The following SP110 variants were observed in gnomAD, a reference collection of about 807,000 sequenced individuals.
SP110 encodes SP110 nuclear body protein.
A neutral mutation model predicts 92.7 loss-of-function variants in SP110; 62 were observed. The observed-to-expected ratio is 0.67, with a 90% CI of 0.55 to 0.83. The LOEUF is 0.83. Ranked by LOEUF, SP110 falls within the 40% of genes least tolerant of loss-of-function variation. The pLI, the probability that SP110 is intolerant of heterozygous loss-of-function variation, is 0.00. For synonymous variants in SP110, 273 were observed against 305.3 expected (o/e 0.89, Z 1.10); for missense variants, 793 against 863.9 (o/e 0.92, Z 1.03).
At chr2:230,207,864 CACTG>C (rs1166020943) in intron 8 of SP110, 123 bp downstream of exon 8, 1 of 670,090 alleles carries the variant, frequency 1.5e-6, no homozygotes, top group Non-Finnish European at 2.7e-6. Flanking sequence ...TGTGTCACTT[CACTG>C]ACTAAATCTC....
At chr2:230,173,223 C>G in intron 14 of SP110, 1 of 428,888 alleles carries the variant, frequency 2.3e-6, no homozygotes, top group Non-Finnish European at 4.5e-6. Flanking sequence ...GCGTTTTGAG[C>G]TGTGCTGCTG....
In SP110 at chr2:230,177,528, A is replaced by T. The variant is rs199856620; in HGVS notation, c.1590+10T>A. The T allele has an allele frequency of 1.2e-5, 20 of 1,613,772 alleles. No homozygotes were observed. Among genetic ancestry groups the T allele is most frequent in the Non-Finnish European group, 1.7e-5 (20 of 1,179,782 alleles). Reference sequence around the variant, plus strand: ...AAACCTGTCACCTATCTGTCCCGTCATTATAATACCTTCAGCAGCTCTCCT... The same window carrying T: ...AAACCTGTCACCTATCTGTCCCGTCTTTATAATACCTTCAGCAGCTCTCCT... On this transcript the variant is annotated intron_variant, in intron 14 of 18. Coordinates refer to ENST00000258381, the MANE Select transcript of SP110 (RefSeq NM_080424.4).
chr2:230,187,652 T>C (rs1458512680), intron 10 of SP110, among the ~76,000 whole-genome samples: 1 of 152,188 alleles, frequency 6.6e-6, no homozygotes, highest in Admixed American at 6.5e-5. Context: ...TTGATCCATC[T>C]TGAGTTAATT....
In SP110 at chr2:230,183,582, A is replaced by C. The variant is rs200063420; in HGVS notation, c.1338T>G (p.Ile446Met). The part of the protein sequence containing the change: ...SSSKRRFQKN[I>M]HRRGKPKSDT... ...GGCTTGCTTGCTTACCTCTTCGGTG[A>C]ATATTTTTCTGAAATCTCCTTTTTG... Residue 446 changes from isoleucine (I) to methionine (M), a missense_variant, in exon 12 of 19, where the codon ATT becomes ATG. Coordinates refer to ENST00000258381, the MANE Select transcript of SP110 (RefSeq NM_080424.4). The C allele has an allele frequency of 2.5e-6, 4 of 1,610,002 alleles. No homozygotes were observed. Among genetic ancestry groups the C allele is most frequent in the Non-Finnish European group, 3.4e-6 (4 of 1,176,244 alleles).
In SP110 at chr2:230,208,002, C is replaced by CT. The variant is rs774290827; in HGVS notation, c.886dup (p.Ser296LysfsTer10). ...TACTCTCATCTTACCTCCTGGGAGG[C>CT]TTTTTTTCTTATGTCTCCTTTTTGG... is the stretch of plus-strand genomic sequence containing the variant. On this transcript the variant is annotated frameshift_variant, in exon 8 of 19. Transcript: ENST00000258381. LOFTEE classifies it high-confidence loss of function. 10 of 1,550,946 alleles carry CT rather than the reference C, an allele frequency of 6.4e-6. No individual in the cohort carries two copies. Among genetic ancestry groups the CT allele is most frequent in the East Asian group, 2.2e-5 (1 of 44,524 alleles).
rs1487043937 is a variant in SP110, at chr2:230,215,034, G to C, written c.232C>G (p.Leu78Val). Residue 78 changes from leucine (L) to valine (V), a missense_variant, in exon 3 of 19, where the codon CTG (leucine) becomes GTG (valine). Leu to Val is a conservative substitution (Grantham distance 32, BLOSUM62 1). Transcript: ENST00000258381. ...ILTQLERTFN[L>V]SLLVTLFSQI... ...CTGAACAATGTCACCAGAAGAGACA[G>C]GTTAAAAGTCCTCTCCAGTTGGGTG... 1 of 1,613,414 alleles carries C rather than the reference G, an allele frequency of 6.2e-7. No individual in the cohort carries two copies. The highest frequency in any genetic ancestry group is 1.7e-5 in the Admixed American group (1 of 60,030).
At position 230,219,870 on chromosome 2, in the gene SP110, T is replaced by C. The variant is rs191102430; in HGVS notation, c.-2+4A>G. On this transcript the variant is annotated splice_donor_region_variant and intron_variant, in intron 1 of 18. Coordinates refer to ENST00000258381, the MANE Select transcript of SP110 (RefSeq NM_080424.4). The stretch of plus-strand genomic sequence containing the variant: ...AGAATAAAGCAGCAAAGACAGAAAC[T>C]CACCTGGACTTTGAGTTTGTCGTTC... 2 of 976,134 alleles carry C rather than the reference T, an allele frequency of 2.0e-6. No homozygotes were observed. Among genetic ancestry groups the C allele is most frequent in the East Asian group, 2.2e-4 (2 of 8,902 alleles). The allele number at this position is 976,134 out of a possible 1,614,324, so 60.5% of individuals were successfully genotyped here.
chr2:230,215,381 T>G (rs2045010197), intron 2 of SP110, among the ~76,000 whole-genome samples: 2 of 152,210 alleles, frequency 1.3e-5, no homozygotes, highest in African/African-American at 4.8e-5. Context: ...AATCCAACTT[T>G]CAGGCACATT....
At chr2:230,185,956 T>G in intron 11 of SP110, 38 bp downstream of exon 11, 31 of 1,590,234 alleles carry the variant, frequency 1.9e-5, no homozygotes, top group African/African-American at 4.0e-5. Context: ...CCTCCTACAT[T>G]GAGCTATTCA....
intron 15 of SP110, 27 bp from the exon 16 acceptor site, chr2:230,172,201 G>A: frequency 2.1e-6 from 3 of 1,396,800 alleles, no homozygotes; most frequent in Non-Finnish European, 3.1e-6. Context: ...AAGGTGAGCA[G>A]AGGGCAAAGC....
At chr2:230,172,665 G>C in intron 15 of SP110, 179 bp downstream of exon 15, 1 of 604,206 alleles carries the variant, frequency 1.7e-6, no homozygotes, top group Non-Finnish European at 3.0e-6. Flanking sequence ...GGCACTTCCA[G>C]GGGCAGAAGC....
intron 7 of SP110, 94 bp from the exon 8 acceptor site, chr2:230,208,153 C>T (rs2044082884): frequency 3.9e-6 from 3 of 760,206 alleles, no homozygotes; most frequent in Non-Finnish European, 6.8e-6. Context: ...GTCTTCAAAC[C>T]ACATTGCTAG....
At chr2:230,180,108 T>G (rs910235978) in intron 12 of SP110, among the ~76,000 whole-genome samples, 4 of 152,126 alleles carry the variant, frequency 2.6e-5, no homozygotes, top group African/African-American at 7.2e-5. Flanking sequence ...AAAGGTGAGC[T>G]GCAGCAGCGG....
chr2:230,185,993 C>G lies in SP110; in HGVS notation c.1279+1G>C, dbSNP rs372144903. The G allele has an allele frequency of 1.9e-6, 3 of 1,613,810 alleles. No individual in the cohort carries two copies. The highest frequency in any genetic ancestry group is 2.5e-6 in the Non-Finnish European group (3 of 1,179,792). The stretch of plus-strand genomic sequence containing the variant: ...ATAGCAGATTCCATCATTAGCCTTA[C>G]CTTTCAATCTGGACTTTCGGGCACA... On this transcript the variant is annotated splice_donor_variant, in intron 11 of 18. Transcript: ENST00000258381. LOFTEE classifies it high-confidence loss of function.
At position 230,166,019 on chromosome 2, in the gene SP110, G is replaced by A. The variant is rs1318423530; in HGVS notation, c.*3105C>T. Among the ~76,000 whole-genome samples the A allele has an allele frequency of 2.0e-5, 3 of 151,130 alleles. No individual in the cohort carries two copies. Among genetic ancestry groups the A allele is most frequent in the African/African-American group, 4.9e-5 (2 of 41,046 alleles). ...AGCGATTCTCCTGCCTCAGCCTCTT[G>A]AGTAGCTGGGACTACAGGCGCCCGC... On this transcript the variant is annotated 3_prime_UTR_variant, in exon 19 of 19. Transcript: ENST00000258381.
chr2:230,224,572 T>C (rs1365932420), upstream of SP110, among the ~76,000 whole-genome samples: 1 of 151,766 alleles, frequency 6.6e-6, no homozygotes, highest in Non-Finnish European at 1.5e-5. Flanking sequence ...TCCTCATCAG[T>C]GTTCTAGAGT....
chr2:230,207,938 G>T, intron 8 of SP110, 53 bp downstream of exon 8: 1 of 856,878 alleles, frequency 1.2e-6, no homozygotes, highest in Non-Finnish European at 2.0e-6. Flanking sequence ...TGACCTACAA[G>T]CCCTGCATGA....
At chr2:230,224,493 GGGAGACAGA>G (rs1474579056), upstream of SP110, among the ~76,000 whole-genome samples, 4 of 150,848 alleles carry the variant, frequency 2.7e-5, no homozygotes, top group African/African-American at 9.7e-5. Flanking sequence ...GGGAGAGAGA[GGGAGACAGA>G]GGAGAGAGAG....
intron 1 of SP110, among the ~76,000 whole-genome samples, chr2:230,217,210 C>A (rs1161251110): frequency 1.4e-5 from 2 of 144,878 alleles, no homozygotes; most frequent in Admixed American, 7.1e-5. Flanking sequence ...TGTGCCACTG[C>A]ACTCCAGCCT....
Sources: gnomAD v4.1 joint callset for allele counts (sites outside exome capture counted in the v4.1 genomes callset) on GRCh38, gnomAD v4.1.1 for gene constraint, MANE v1.5 for transcripts, NCBI Gene and HGNC (gene_info 2026-07-23, HGNC 2026-07-21) for gene names.